The following SKP1 variants were observed in gnomAD, a reference collection of about 807,000 sequenced individuals.
SKP1 encodes S-phase kinase associated protein 1, also known as S-phase kinase-associated protein 1.
In SKP1, 1 loss-of-function variant was observed where a neutral mutation model predicts 21.5. The observed-to-expected ratio is 0.05, with a 90% CI of 0.02 to 0.22. The LOEUF (loss-of-function observed/expected upper bound fraction) is 0.22, where lower values mean the gene tolerates loss of function less well. Ranked by LOEUF, SKP1 falls within the 10% of genes least tolerant of loss-of-function variation. The pLI is 1.00. For missense variants in SKP1, 70 were observed against 192.0 expected (o/e 0.36, Z 3.76); for synonymous variants, 59 against 59.3 (o/e 0.99, Z 0.03).
chr5:134,149,764 C>CTTAG lies in SKP1; in HGVS notation c.*7965_*7968dup, dbSNP rs1761014820. 1 of 122,672 alleles carries CTTAG rather than the reference C, an allele frequency of 8.2e-6. No individual in the cohort carries two copies. Among genetic ancestry groups the CTTAG allele is most frequent in the Admixed American group, 9.2e-5 (1 of 10,900 alleles). 7.6% of individuals were successfully genotyped at this position (122,672 alleles called of 1,614,324 possible). ...TTGCTGCATCTGATTTGGTGTCTCA[C>CTTAG]TTAGAGTACACAGGGTACCTGAACA... On this transcript the variant is annotated 3_prime_UTR_variant, in exon 6 of 6. Coordinates refer to ENST00000353411, the MANE Select transcript of SKP1 (RefSeq NM_170679.3).
Position 134,173,962 on chromosome 5 carries a change from C to T in SKP1, c.61G>A (p.Ala21Thr). 6.2e-7 allele frequency: 1 copy of T among 1,610,910 alleles called. No homozygotes were observed. Among genetic ancestry groups the T allele is most frequent in the Non-Finnish European group, 8.5e-7 (1 of 1,177,294 alleles). ...GTCTTAATAGTCACAGATTGTTTGG[C>T]AATTTCCACATCAACTTCAAATATC... Reference protein sequence around the residue: ...GEIFEVDVEIAKQSVTIKTML... With the variant: ...GEIFEVDVEITKQSVTIKTML... Residue 21 changes from alanine (A) to threonine (T), a missense_variant, in exon 2 of 6, where the codon GCC becomes ACC. By Grantham distance (58) the Ala-to-Thr change is moderately conservative. Around this residue, in one of 4 missense-constraint regions of SKP1, gnomAD observed 21 missense variants for 23.4 expected, o/e 0.90. Coordinates refer to ENST00000353411, the MANE Select transcript of SKP1 (RefSeq NM_170679.3).
Position 134,154,247 on chromosome 5 carries a change from ACCAG to A in SKP1, c.*3482_*3485del, listed in dbSNP as rs1761088260. ...CGGATCACAAGGTCAGGAGTTCAAG[ACCAG>A]CCTGGCCAATATGGTAAAACTCCAT... On this transcript the variant is annotated 3_prime_UTR_variant, in exon 6 of 6. Transcript: ENST00000353411. 1 of 152,002 alleles carries A rather than the reference ACCAG, an allele frequency of 6.6e-6. No homozygotes were observed. Among genetic ancestry groups the A allele is most frequent in the Non-Finnish European group, 1.5e-5 (1 of 68,026 alleles). The allele number at this position is 152,002 out of a possible 1,614,324, so 9.4% of individuals were successfully genotyped here. A position where few individuals can be genotyped will look rare whatever the true frequency, so the allele number is the denominator to read the frequency against.
chr5:134,151,498 A>G lies in SKP1; in HGVS notation c.*6235T>C, dbSNP rs926753990. 6.1e-6 allele frequency: 2 copies of G among 326,226 alleles called. No homozygotes were observed. The highest frequency in any genetic ancestry group is 1.2e-5 in the Non-Finnish European group (2 of 161,516). The allele number at this position is 326,226 out of a possible 1,614,324, so 20.2% of individuals were successfully genotyped here. On this transcript the variant is annotated 3_prime_UTR_variant, in exon 6 of 6. Transcript: ENST00000353411. The stretch of plus-strand genomic sequence containing the variant: ...GGTACATTCAGGAAAGAAAGGACAA[A>G]TAAGAATTTTCACCAGATAGGTGGG...
At chr5:134,158,034 A>G in intron 5 of SKP1, 1 of 1,475,266 alleles carries the variant, frequency 6.8e-7, no homozygotes, top group Non-Finnish European at 9.0e-7. Flanking sequence ...TAATTCATTC[A>G]CATTATTTCA....
At chr5:134,160,357 C>CAA (rs1371315018) in intron 4 of SKP1, among the ~76,000 whole-genome samples, 1 of 151,230 alleles carries the variant, frequency 6.6e-6, no homozygotes, top group Non-Finnish European at 1.5e-5. Context: ...AACTCTGTCT[C>CAA]AAAAATATAT....
chr5:134,171,253 G>C (rs1311644711), intron 2 of SKP1, among the ~76,000 whole-genome samples: 1 of 152,158 alleles, frequency 6.6e-6, no homozygotes, highest in East Asian at 1.9e-4. Flanking sequence ...TCTGCTGCTA[G>C]AAGTCCTCTA....
intron 3 of SKP1, among the ~76,000 whole-genome samples, chr5:134,164,508 G>A (rs1390789809): frequency 2.6e-5 from 4 of 151,890 alleles, no homozygotes; most frequent in South Asian, 4.2e-4. Context: ...CACCCCTTCA[G>A]ACCATAAACT....
In SKP1 at chr5:134,154,058, T is replaced by C. The variant is rs1297266881; in HGVS notation, c.*3675A>G. The C allele has an allele frequency of 6.6e-6, 1 of 152,200 alleles. No individual in the cohort carries two copies. The highest frequency in any genetic ancestry group is 6.5e-5 in the Admixed American group (1 of 15,276). 9.4% of individuals were successfully genotyped at this position (152,200 alleles called of 1,614,324 possible). A position where few individuals can be genotyped will look rare whatever the true frequency, so the allele number is the denominator to read the frequency against. On this transcript the variant is annotated 3_prime_UTR_variant, in exon 6 of 6. Transcript: ENST00000353411. ...GATTTTGTGAATCTCTGAGAAAATA[T>C]AAGAACTGTAAAGCAGTATCTATTT...
Position 134,149,533 on chromosome 5 carries a change from A to G in SKP1, c.*8200T>C, listed in dbSNP as rs978079445. ...TTCTATTTTTTGGATTTTGTGTTTAAAGTATAAAGTCATTTTCCAGAACAG... is the reference window on the plus strand; with the variant it reads ...TTCTATTTTTTGGATTTTGTGTTTAGAGTATAAAGTCATTTTCCAGAACAG... On this transcript the variant is annotated 3_prime_UTR_variant, in exon 6 of 6. Transcript: ENST00000353411. 2.6e-5 allele frequency: 4 copies of G among 152,186 alleles called. No homozygotes were observed. The highest frequency in any genetic ancestry group is 2.6e-4 in the Admixed American group (4 of 15,282). The allele number at this position is 152,186 out of a possible 1,614,324, so 9.4% of individuals were successfully genotyped here.
intron 2 of SKP1, among the ~76,000 whole-genome samples, chr5:134,170,781 C>T (rs1029337322): frequency 1.8e-4 from 28 of 152,202 alleles, no homozygotes; most frequent in African/African-American, 6.5e-4. Flanking sequence ...GGTAAGTCTT[C>T]AAGATGCCCT....
rs533375537 is a variant in SKP1 at position 134,156,251 on chromosome 5, G to C, written c.*1482C>G. The C allele has an allele frequency of 1.2e-3, 188 of 152,208 alleles. No individual in the cohort carries two copies. The highest frequency in any genetic ancestry group is 4.5e-3 in the African/African-American group (185 of 41,508). The allele number at this position is 152,208 out of a possible 1,614,324, so 9.4% of individuals were successfully genotyped here. ...ACAAGCTTATCTCCTGAGAGAGAGA[G>C]AGAGAGAGAGAGAGAATTTTAAATA... is the stretch of plus-strand genomic sequence containing the variant. On this transcript the variant is annotated 3_prime_UTR_variant, in exon 6 of 6. Coordinates refer to ENST00000353411, the MANE Select transcript of SKP1 (RefSeq NM_170679.3).
chr5:134,163,948 A>G (rs1209276041), intron 3 of SKP1, among the ~76,000 whole-genome samples: 4 of 152,130 alleles, frequency 2.6e-5, no homozygotes, highest in Non-Finnish European at 5.9e-5. Context: ...AAGGCAGGGC[A>G]TGCTCTTGTC....
intron 2 of SKP1, among the ~76,000 whole-genome samples, chr5:134,172,617 T>C (rs999643912): frequency 6.6e-6 from 1 of 151,408 alleles, no homozygotes; most frequent in African/African-American, 2.4e-5. Flanking sequence ...CTCATGCCTG[T>C]AATGTGGCTC....
At position 134,152,332 on chromosome 5, in the gene SKP1, T is replaced by C. The variant is rs747473589; in HGVS notation, c.*5401A>G. ...GACTAATCCTGCCCTAATTTCTCTT[T>C]AGTCTATATTCTCAGGGAAATGTAC... On this transcript the variant is annotated 3_prime_UTR_variant, in exon 6 of 6. Coordinates refer to ENST00000353411, the MANE Select transcript of SKP1 (RefSeq NM_170679.3). The C allele has an allele frequency of 6.6e-5, 10 of 152,232 alleles. No homozygotes were observed. Among genetic ancestry groups the C allele is most frequent in the African/African-American group, 1.7e-4 (7 of 41,430 alleles). The allele number at this position is 152,232 out of a possible 1,614,324, so 9.4% of individuals were successfully genotyped here.
chr5:134,163,199 A>T (rs1185412599), intron 3 of SKP1, among the ~76,000 whole-genome samples: 4 of 119,214 alleles, frequency 3.4e-5, no homozygotes, highest in African/African-American at 1.5e-4. Context: ...TGAGCAAGAG[A>T]GTGCGATTCT....
intron 4 of SKP1, among the ~76,000 whole-genome samples, chr5:134,159,398 T>A (rs1243738840): frequency 6.6e-6 from 1 of 152,102 alleles, no homozygotes; most frequent in Non-Finnish European, 1.5e-5. Flanking sequence ...ACTTTTTTTT[T>A]AAGACACCGT....
At chr5:134,164,029 G>C (rs957895872) in intron 3 of SKP1, among the ~76,000 whole-genome samples, 1 of 152,050 alleles carries the variant, frequency 6.6e-6, no homozygotes, top group Non-Finnish European at 1.5e-5. Context: ...TTGTTTAAAA[G>C]ATTATCTTCG....
chr5:134,170,833 G>C, intron 2 of SKP1: 1 of 367,192 alleles, frequency 2.7e-6, no homozygotes, highest in Non-Finnish European at 5.3e-6. Flanking sequence ...AGCAGCACAG[G>C]ACAGATTAGT....
chr5:134,167,314 C>T, intron 2 of SKP1, 71 bp from the exon 3 acceptor site: 1 of 981,132 alleles, frequency 1.0e-6, no homozygotes, highest in Non-Finnish European at 1.6e-6. Context: ...GGCTATGTCT[C>T]AAAACATAAG....
Sources: gnomAD v4.1 joint callset for allele counts (sites outside exome capture counted in the v4.1 genomes callset) on GRCh38, gnomAD v4.1.1 for gene constraint, gnomAD v4.1.1 regional missense constraint, MANE v1.5 for transcripts, NCBI Gene and HGNC (gene_info 2026-07-23, HGNC 2026-07-21) for gene names.